CPAMD8: variants seen among roughly 807,000 people sequenced by gnomAD.
CPAMD8 encodes the protein C3 and PZP-like alpha-2-macroglobulin domain-containing protein 8.
CPAMD8 carries 146 observed loss-of-function variants against 224.7 expected under a neutral mutation model. That is an observed-to-expected ratio of 0.65 (90% confidence interval 0.57 to 0.75). The LOEUF (loss-of-function observed/expected upper bound fraction) is 0.75, where lower values mean the gene tolerates loss of function less well. Ranked by LOEUF, CPAMD8 falls within the 30% of genes least tolerant of loss-of-function variation. The pLI is 0.00. For missense variants in CPAMD8, 2,301 were observed against 2,537.5 expected (o/e 0.91, Z 2.00); for synonymous variants, 966 against 1,044.6 (o/e 0.92, Z 1.45).
At chr19:16,979,751 G>T (rs2055439891) in intron 14 of CPAMD8, among the ~76,000 whole-genome samples, 1 of 151,836 alleles carries the variant, frequency 6.6e-6, no homozygotes, top group Non-Finnish European at 1.5e-5. Context: ...CCACCACAGA[G>T]AATGATCTTG....
intron 10 of CPAMD8, among the ~76,000 whole-genome samples, chr19:16,999,694 T>C (rs1359296505): frequency 6.6e-6 from 1 of 152,198 alleles, no homozygotes; most frequent in East Asian, 1.9e-4. Flanking sequence ...TTTATTTTAT[T>C]TTAGAGATGG....
In CPAMD8 at chr19:16,947,065, G is replaced by C. The variant is rs752904013; in HGVS notation, c.2662+9C>G. The C allele has an allele frequency of 1.1e-5, 17 of 1,592,064 alleles. No individual in the cohort carries two copies. In the South Asian group the frequency reaches 1.6e-4, roughly 15 times the overall value. On this transcript the variant is annotated intron_variant, in intron 21 of 41. Coordinates refer to ENST00000443236, the MANE Select transcript of CPAMD8 (RefSeq NM_015692.5). Reference sequence around the variant, plus strand: ...AGGGGGGACACCCCAAGAACTGTGGGGTCCTCACCCGTGATGTTGTTGAGT... The same window carrying C: ...AGGGGGGACACCCCAAGAACTGTGGCGTCCTCACCCGTGATGTTGTTGAGT...
rs2052172600 is a variant in CPAMD8, at chr19:16,899,739, C to A, written c.4774-190G>T. On this transcript the variant is annotated intron_variant, in intron 36 of 41. Transcript: ENST00000443236. The surrounding 1 kb of genome is among the most constrained non-coding windows in gnomAD (Gnocchi z 5.4). ...CCCAGGAGAGGACGCTCAAGGATGG[C>A]TATCCCCGCTGGGAGCACCTGCCTC... Among the ~76,000 whole-genome samples, 1 of 152,074 alleles carries A rather than the reference C, an allele frequency of 6.6e-6. No individual in the cohort carries two copies. Among genetic ancestry groups the A allele is most frequent in the Non-Finnish European group, 1.5e-5 (1 of 68,020 alleles).
intron 30 of CPAMD8, 55 bp from the exon 31 acceptor site, chr19:16,904,607 TCC>T: frequency 8.1e-7 from 1 of 1,228,622 alleles, no homozygotes; most frequent in South Asian, 1.2e-5. Flanking sequence ...TAGCCTGGCA[TCC>T]CATGGAGCGC....
At chr19:16,943,574 T>A (rs2053976218) in intron 22 of CPAMD8, among the ~76,000 whole-genome samples, 1 of 152,248 alleles carries the variant, frequency 6.6e-6, no homozygotes, top group East Asian at 1.9e-4. Flanking sequence ...AGCCCTTCAC[T>A]CCATTTCACA....
chr19:16,975,222 A>G lies in CPAMD8; in HGVS notation c.1945T>C (p.Ser649Pro). 1 of 1,609,504 alleles carries G rather than the reference A, an allele frequency of 6.2e-7. No individual in the cohort carries two copies. The highest frequency in any genetic ancestry group is 8.5e-7 in the Non-Finnish European group (1 of 1,177,824). Residue 649 changes from serine to proline, a missense_variant, in exon 17 of 42, where the codon TCC becomes CCC. Physicochemically the swap from Ser to Pro is moderately conservative, Grantham distance 74. This residue lies in a region of CPAMD8 where 1,709 missense variants were observed against 1,753.2 expected (regional missense o/e 0.97). Coordinates refer to ENST00000443236, the MANE Select transcript of CPAMD8 (RefSeq NM_015692.5). ...CCATCCTCCCTGGACACGCCAAAGGAATCAGAAACATCATAATCTTCCAGT... is the reference window on the plus strand; with the variant it reads ...CCATCCTCCCTGGACACGCCAAAGGGATCAGAAACATCATAATCTTCCAGT... ...QELEDYDVSDSFGVSREDGPF... is the reference protein window; with the variant it reads ...QELEDYDVSDPFGVSREDGPF...
intron 27 of CPAMD8, among the ~76,000 whole-genome samples, chr19:16,918,415 T>C (rs983219869): frequency 4.6e-5 from 5 of 108,742 alleles, no homozygotes; most frequent in African/African-American, 1.3e-4. Context: ...AACTTTTCGT[T>C]TTTGGAACTT....
At chr19:16,949,812 A>T (rs2054240784) in intron 20 of CPAMD8, among the ~76,000 whole-genome samples, 1 of 152,216 alleles carries the variant, frequency 6.6e-6, no homozygotes, top group African/African-American at 2.4e-5. Context: ...CATCACCTGC[A>T]GACTCTCAGG....
intron 20 of CPAMD8, 38 bp from the exon 21 acceptor site, chr19:16,947,265 C>G (rs2054136284): frequency 6.3e-7 from 1 of 1,584,322 alleles, no homozygotes. Flanking sequence ...GCCTGGAATC[C>G]AGACCCCCTC....
At position 16,898,208 on chromosome 19, in the gene CPAMD8, G is replaced by A. The variant is rs190398695; in HGVS notation, c.4849-214C>T. 239 of 503,340 alleles carry A rather than the reference G, an allele frequency of 4.7e-4. No homozygotes were observed. Among genetic ancestry groups the A allele is most frequent in the East Asian group, 4.4e-3 (123 of 27,864 alleles). 31.2% of individuals were successfully genotyped at this position (503,340 alleles called of 1,614,324 possible). On this transcript the variant is annotated intron_variant, in intron 37 of 41. Coordinates refer to ENST00000443236, the MANE Select transcript of CPAMD8 (RefSeq NM_015692.5). This position sits in a 1 kb window ranked among gnomAD's most constrained non-coding sequence, Gnocchi z 4.2. The stretch of plus-strand genomic sequence containing the variant: ...TGCCCAGGCTGGAGTGCAGTGGCGT[G>A]ATCTCGGCTCACTGCAAGCTCGGCC...
chr19:16,974,049 C>T lies in CPAMD8; in HGVS notation c.2070+1048G>A, dbSNP rs142014562. Among the ~76,000 whole-genome samples, 639 of 151,258 alleles carry T rather than the reference C, an allele frequency of 4.2e-3. 8 individuals are homozygous for T. The highest frequency in any genetic ancestry group is 0.015 in the African/African-American group (606 of 41,252). ...TTCACCGTGTTGGCCAGGATGGTCT[C>T]GATCTCTTGACCTTGTGATCCGCCC... On this transcript the variant is annotated intron_variant, in intron 17 of 41. Coordinates refer to ENST00000443236, the MANE Select transcript of CPAMD8 (RefSeq NM_015692.5).
At chr19:17,006,025 C>T (rs1176982736) in intron 7 of CPAMD8, among the ~76,000 whole-genome samples, 1 of 151,950 alleles carries the variant, frequency 6.6e-6, no homozygotes, top group Non-Finnish European at 1.5e-5. Context: ...AGTGCAGTGG[C>T]ATGATCTCAG....
intron 9 of CPAMD8, among the ~76,000 whole-genome samples, chr19:17,000,738 T>G (rs1382735858): frequency 3.3e-5 from 5 of 152,068 alleles, no homozygotes; most frequent in Non-Finnish European, 5.9e-5. Flanking sequence ...AGCCTCCAGA[T>G]GGACAGAAAA....
intron 17 of CPAMD8, among the ~76,000 whole-genome samples, chr19:16,973,463 C>G (rs1217151441): frequency 6.6e-6 from 1 of 152,032 alleles, no homozygotes; most frequent in Non-Finnish European, 1.5e-5. Flanking sequence ...CTTCTCCTGC[C>G]TTAGCCTCCC....
At chr19:16,976,225 C>G in intron 15 of CPAMD8, 74 bp from the exon 16 acceptor site, 1 of 1,330,156 alleles carries the variant, frequency 7.5e-7, no homozygotes, top group South Asian at 1.3e-5. Context: ...CCTGTAATCC[C>G]AACACTTTGG....
chr19:16,985,245 G>A (rs1257454748), intron 13 of CPAMD8, among the ~76,000 whole-genome samples: 3 of 151,050 alleles, frequency 2.0e-5, no homozygotes, highest in Non-Finnish European at 3.0e-5. Context: ...TGAAGGGAGG[G>A]ATAGAGGGAG....
At chr19:17,015,617 C>T (rs1351126877) in intron 3 of CPAMD8, among the ~76,000 whole-genome samples, 3 of 152,120 alleles carry the variant, frequency 2.0e-5, no homozygotes, top group Non-Finnish European at 2.9e-5. Flanking sequence ...GCAGTTTCCC[C>T]GTCAAGACCA....
chr19:16,905,569 GAAAAAA>G (rs397955787), intron 30 of CPAMD8, among the ~76,000 whole-genome samples: 61 of 92,734 alleles, frequency 6.6e-4, no homozygotes, highest in African/African-American at 2.4e-3. Context: ...AGGAAGAAAA[GAAAAAA>G]AAAAAAAAAA....
intron 30 of CPAMD8, among the ~76,000 whole-genome samples, chr19:16,906,534 G>C (rs898226209): frequency 3.3e-5 from 5 of 151,436 alleles, no homozygotes; most frequent in African/African-American, 4.9e-5. Context: ...CTCCCGAGTA[G>C]CTGGGGTTAT....
Sources: allele counts gnomAD v4.1 joint callset (sites outside exome capture counted in the v4.1 genomes callset), GRCh38; gene constraint gnomAD v4.1.1; regional missense constraint gnomAD v4.1.1; non-coding constraint Gnocchi (gnomAD v3.1); transcripts MANE v1.5; gene names NCBI Gene and HGNC (gene_info 2026-07-23, HGNC 2026-07-21).